The following BRF1 variants were observed in gnomAD, a reference collection of about 807,000 sequenced individuals.
BRF1 encodes transcription factor IIIB 90 kDa subunit.
BRF1 carries 59 observed loss-of-function variants against 81.7 expected under a neutral mutation model. The ratio of observed to expected loss-of-function variants is 0.72; its 90% CI spans 0.59 to 0.90. The LOEUF is 0.90. BRF1 is among the 40% of genes least tolerant of loss of function. The pLI is 0.00. For synonymous variants in BRF1, 491 were observed against 395.6 expected (o/e 1.24, Z -2.86); for missense variants, 1,050 against 936.3 (o/e 1.12, Z -1.58).
chr14:105,211,259 T>G lies in BRF1; in HGVS notation c.1859A>C (p.Glu620Ala), dbSNP rs1890071220. The G allele has an allele frequency of 1.2e-6, 2 of 1,607,454 alleles. No individual in the cohort carries two copies. The highest frequency in any genetic ancestry group is 1.7e-6 in the Non-Finnish European group (2 of 1,177,266). Reference sequence around the variant, plus strand: ...CAGCACCGCCTGGGGCCTGGCAGGCTCAGCTCCGAGGGTGGGAGAGCTTGG... The same window carrying G: ...CAGCACCGCCTGGGGCCTGGCAGGCGCAGCTCCGAGGGTGGGAGAGCTTGG... ...LLPSSPTLGA[E>A]PARPQAVLVE... Residue 620 changes from glutamate to alanine, a missense_variant, in exon 17 of 18, where the codon GAG (glutamate) becomes GCG (alanine). Glu to Ala is a moderately radical substitution (Grantham distance 107). Around this residue, in one of 2 missense-constraint regions of BRF1, gnomAD observed 1,043 missense variants for 915.4 expected, o/e 1.14. Transcript: ENST00000547530.
At position 105,210,378 on chromosome 14, in the gene BRF1, A is replaced by G. The variant is rs936286020; in HGVS notation, c.*173T>C. 4.4e-6 allele frequency: 3 copies of G among 685,372 alleles called. No individual in the cohort carries two copies. The highest frequency in any genetic ancestry group is 7.3e-6 in the Non-Finnish European group (3 of 409,152). 42.5% of individuals were successfully genotyped at this position (685,372 alleles called of 1,614,324 possible). On this transcript the variant is annotated 3_prime_UTR_variant, in exon 18 of 18. Transcript: ENST00000547530. The surrounding 1 kb of genome is among the most constrained non-coding windows in gnomAD (Gnocchi z 4.7). ...TGGTCCGGTTTCCCTTGCTGAATAG[A>G]AACACAATCCCAATGGTAAGTTCCA...
chr14:105,223,528 CTG>C (rs1481597900), intron 10 of BRF1, among the ~76,000 whole-genome samples: 2 of 152,222 alleles, frequency 1.3e-5, no homozygotes, highest in Non-Finnish European at 2.9e-5. Context: ...CATAATTACA[CTG>C]TGAAAAAAGC....
chr14:105,268,535 C>A (rs1383350837), intron 3 of BRF1, among the ~76,000 whole-genome samples: 1 of 152,214 alleles, frequency 6.6e-6, no homozygotes, highest in Non-Finnish European at 1.5e-5. Flanking sequence ...AGTGGACACA[C>A]CTGAGGATCG....
intron 6 of BRF1, among the ~76,000 whole-genome samples, chr14:105,229,480 G>T (rs931326511): frequency 6.6e-6 from 1 of 152,220 alleles, no homozygotes; most frequent in Admixed American, 6.5e-5. Context: ...CGGATGAGGA[G>T]TGAGGGCCCT....
At chr14:105,253,444 C>G (rs1037700489) in intron 4 of BRF1, among the ~76,000 whole-genome samples, 2 of 152,222 alleles carry the variant, frequency 1.3e-5, no homozygotes, top group African/African-American at 4.8e-5. Context: ...GACCCTCTGC[C>G]ACTAGCCTCC....
intron 3 of BRF1, among the ~76,000 whole-genome samples, chr14:105,272,398 C>T (rs1031604913): frequency 3.3e-5 from 5 of 152,332 alleles, no homozygotes; most frequent in East Asian, 1.9e-4. Context: ...CCACAGGGGA[C>T]GTGGAGACAG....
In BRF1 at chr14:105,286,381, A is replaced by G; in HGVS notation, c.185-5T>C. 2 of 1,611,616 alleles carry G rather than the reference A, an allele frequency of 1.2e-6. No homozygotes were observed. The highest frequency in any genetic ancestry group is 3.3e-4 in the Middle Eastern group (2 of 6,060). On this transcript the variant is annotated splice_region_variant and splice_polypyrimidine_tract_variant and intron_variant, in intron 1 of 17. Transcript: ENST00000547530. The stretch of plus-strand genomic sequence containing the variant: ...GAGTCGGGGTTTTGCCAGCACCTGG[A>G]AACACAAAAAAAGACAGATCAGCCA...
At chr14:105,290,839 C>T (rs2057479619) in intron 1 of BRF1, among the ~76,000 whole-genome samples, 3 of 151,902 alleles carry the variant, frequency 2.0e-5, no homozygotes, top group Non-Finnish European at 2.9e-5. Context: ...CCTGGGGCCA[C>T]GCTGCTGCAC....
intron 1 of BRF1, among the ~76,000 whole-genome samples, chr14:105,306,285 G>A (rs1353006328): frequency 3.4e-5 from 5 of 146,954 alleles, no homozygotes; most frequent in African/African-American, 1.3e-4. Context: ...TTTTGTTTTT[G>A]GGTTTGTTTT....
intron 1 of BRF1, among the ~76,000 whole-genome samples, chr14:105,313,511 G>A (rs201530963): frequency 6.6e-6 from 1 of 152,218 alleles, no homozygotes; most frequent in East Asian, 1.9e-4. Flanking sequence ...CTGACTTTAA[G>A]CAGTCGCAGC....
intron 5 of BRF1, chr14:105,249,913 G>A (rs1196234442): frequency 4.3e-6 from 7 of 1,611,416 alleles, no homozygotes; most frequent in Non-Finnish European, 4.2e-6. Context: ...AGACGCTGGA[G>A]ATCATTGTCA....
chr14:105,249,902 C>T (rs1250814189), intron 5 of BRF1: 2 of 1,611,284 alleles, frequency 1.2e-6, no homozygotes, highest in Non-Finnish European at 8.5e-7. Flanking sequence ...GATAGACCGG[C>T]AGACGCTGGA....
intron 3 of BRF1, among the ~76,000 whole-genome samples, chr14:105,270,728 T>A (rs1413418222): frequency 6.6e-6 from 1 of 151,498 alleles, no homozygotes; most frequent in African/African-American, 2.4e-5. Flanking sequence ...GAGGCAGAGG[T>A]TGCAGTAAGC....
chr14:105,266,322 A>G (rs1315406166), intron 3 of BRF1, among the ~76,000 whole-genome samples: 1 of 152,140 alleles, frequency 6.6e-6, no homozygotes, highest in Non-Finnish European at 1.5e-5. Flanking sequence ...CTGAGGCGAG[A>G]GAGTCGCCTG....
At chr14:105,218,297 C>T (rs973541516) in intron 14 of BRF1, among the ~76,000 whole-genome samples, 1 of 152,176 alleles carries the variant, frequency 6.6e-6, no homozygotes, top group African/African-American at 2.4e-5. Context: ...GGCAATCAGC[C>T]TGCACCACCC....
At chr14:105,225,041 G>A (rs1260395248) in intron 10 of BRF1, among the ~76,000 whole-genome samples, 1 of 152,224 alleles carries the variant, frequency 6.6e-6, no homozygotes, top group African/African-American at 2.4e-5. Flanking sequence ...GGGCAAGTGG[G>A]CCCAGGCCGC....
At chr14:105,308,260 T>C (rs2058248642) in intron 1 of BRF1, among the ~76,000 whole-genome samples, 1 of 151,972 alleles carries the variant, frequency 6.6e-6, no homozygotes, top group African/African-American at 2.4e-5. Flanking sequence ...GGTGAGAGGA[T>C]TGATTGAGCC....
At chr14:105,220,667 C>G (rs1008869317) in intron 11 of BRF1, among the ~76,000 whole-genome samples, 3 of 152,162 alleles carry the variant, frequency 2.0e-5, no homozygotes, top group Non-Finnish European at 2.9e-5. Context: ...CCCACGCAGT[C>G]CAGGCAGCAT....
chr14:105,286,715 C>G (rs2057328255), intron 1 of BRF1, among the ~76,000 whole-genome samples: 1 of 152,254 alleles, frequency 6.6e-6, no homozygotes, highest in African/African-American at 2.4e-5. Context: ...ACGCCATTCT[C>G]CTGCCTCAGC....
Sources: allele counts gnomAD v4.1 joint callset (sites outside exome capture counted in the v4.1 genomes callset), GRCh38; gene constraint gnomAD v4.1.1; regional missense constraint gnomAD v4.1.1; non-coding constraint Gnocchi (gnomAD v3.1); transcripts MANE v1.5; gene names NCBI Gene and HGNC (gene_info 2026-07-23, HGNC 2026-07-21).